CNTNAP5: variants seen among roughly 807,000 people sequenced by gnomAD.
The protein encoded by CNTNAP5 is contactin-associated protein-like 5.
A neutral mutation model predicts 150.2 loss-of-function variants in CNTNAP5; 72 were observed. The observed-to-expected ratio is 0.48, with a 90% CI of 0.40 to 0.58. The LOEUF (loss-of-function observed/expected upper bound fraction) is 0.58, where lower values mean the gene tolerates loss of function less well. Among genes scored for constraint, CNTNAP5 ranks in the 20% least tolerant of loss-of-function variants. The pLI is 0.00. For missense variants in CNTNAP5, 1,636 were observed against 1,626.2 expected (o/e 1.01, Z -0.10); for synonymous variants, 672 against 619.8 (o/e 1.08, Z -1.25).
chr2:124,626,550 G>A (rs139446516), intron 12 of CNTNAP5, among the ~76,000 whole-genome samples: 2 of 152,270 alleles, frequency 1.3e-5, no homozygotes, highest in South Asian at 2.1e-4. Flanking sequence ...CTTTTCCCAT[G>A]GATTTTTGCC....
chr2:124,240,967 A>G (rs187722707), intron 2 of CNTNAP5, among the ~76,000 whole-genome samples: 83 of 152,308 alleles, frequency 5.4e-4, no homozygotes, highest in Middle Eastern at 6.8e-3. Flanking sequence ...ATGATTTTCA[A>G]TGACATAGAT....
rs879096693 is a variant in CNTNAP5 at position 124,720,222 on chromosome 2, A to G, written c.2078-27007A>G. 9.2e-5 allele frequency among the ~76,000 whole-genome samples: 14 copies of G among 152,302 alleles called. No individual in the cohort carries two copies. The East Asian group carries it at 1.7e-3, about 19-fold the overall frequency. ...GGGCTTCAATTCCTTCATCTATAAGAAAGGGTTTTGTATAGCCTGTATTTT... is the reference window on the plus strand; with the variant it reads ...GGGCTTCAATTCCTTCATCTATAAGGAAGGGTTTTGTATAGCCTGTATTTT... On this transcript the variant is annotated intron_variant, in intron 13 of 23. Coordinates refer to ENST00000682447, the MANE Select transcript of CNTNAP5 (RefSeq NM_001367498.1).
chr2:124,277,964 C>G (rs113503139), intron 3 of CNTNAP5, among the ~76,000 whole-genome samples: 215 of 152,248 alleles, frequency 1.4e-3, no homozygotes, highest in African/African-American at 4.8e-3. Context: ...CCTGTTCTCC[C>G]AGCAGAGGAA....
chr2:124,357,863 TG>T (rs1316710960), intron 3 of CNTNAP5, among the ~76,000 whole-genome samples: 1 of 150,546 alleles, frequency 6.6e-6, no homozygotes, highest in Non-Finnish European at 1.5e-5. Flanking sequence ...GGTAGCTTGA[TG>T]GGGATGGCAT....
In CNTNAP5 at chr2:124,527,409, G is replaced by A; in HGVS notation, c.1602G>A (p.Leu534=). Residue 534 remains leucine (L), a synonymous_variant, in exon 10 of 24, where the codon CTG becomes CTA. Transcript: ENST00000682447. ...KDLISVQQGS[L]GNFSDLHIDL... ...TCATTTCAGTTCAGCAAGGTTCCCT[G>A]GGGAATTTTAGTGATTTACACATTG... The A allele has an allele frequency of 6.2e-7, 1 of 1,613,712 alleles. No homozygotes were observed. Among genetic ancestry groups the A allele is most frequent in the Non-Finnish European group, 8.5e-7 (1 of 1,179,696 alleles).
rs10531893 is a variant in CNTNAP5 at position 124,864,573 on chromosome 2, TCACACA to T, written c.3218-712_3218-707del. 5.4e-3 allele frequency among the ~76,000 whole-genome samples: 812 copies of T among 149,930 alleles called. 10 individuals carry two copies. Among genetic ancestry groups the T allele is most frequent in the African/African-American group, 0.019 (765 of 40,826 alleles). ...CTCTCTCTCTCTGTCTCTCTGTGTCTCACACACACACACACACACACACACAGAATT... is the reference window on the plus strand; with the variant it reads ...CTCTCTCTCTCTGTCTCTCTGTGTCTCACACACACACACACACACAGAATT... On this transcript the variant is annotated intron_variant, in intron 19 of 23. Transcript: ENST00000682447.
intron 8 of CNTNAP5, among the ~76,000 whole-genome samples, chr2:124,510,273 C>CTATATA (rs369953695): frequency 2.9e-5 from 1 of 33,918 alleles, no homozygotes; most frequent in Non-Finnish European, 6.3e-5. Flanking sequence ...ATCTATATAT[C>CTATATA]TATATCTATA....
rs1485283806 is a variant in CNTNAP5 at position 124,754,210 on chromosome 2, G to A, written c.2234+6825G>A. On this transcript the variant is annotated intron_variant, in intron 14 of 23. Transcript: ENST00000682447. ...AGAAGGGGCCCCAATCCTGAATTCT[G>A]AGAGAAATAACAATTCACCTCAGGG... Among the ~76,000 whole-genome samples, 4 of 152,110 alleles carry A rather than the reference G, an allele frequency of 2.6e-5. No homozygotes were observed. In the South Asian group the frequency reaches 6.2e-4, roughly 24 times the overall value.
intron 9 of CNTNAP5, 131 bp from the exon 10 acceptor site, chr2:124,527,154 A>G: frequency 1.5e-6 from 1 of 664,284 alleles, no homozygotes; most frequent in Non-Finnish European, 2.6e-6. Flanking sequence ...ATTTATAATG[A>G]AAAGGGTGTG....
intron 12 of CNTNAP5, among the ~76,000 whole-genome samples, chr2:124,620,374 C>T (rs1457914626): frequency 6.6e-6 from 1 of 152,108 alleles, no homozygotes; most frequent in Non-Finnish European, 1.5e-5. Context: ...CATTCCTACT[C>T]TTTGCAATGC....
intron 19 of CNTNAP5, among the ~76,000 whole-genome samples, chr2:124,818,349 C>T (rs993249701): frequency 3.3e-5 from 5 of 151,974 alleles, no homozygotes; most frequent in East Asian, 1.9e-4. Flanking sequence ...GAGAGACCCC[C>T]GCCTTTACAA....
rs59635013 is a variant in CNTNAP5 at position 124,592,430 on chromosome 2, T to C, written c.1757-17371T>C. On this transcript the variant is annotated intron_variant, in intron 11 of 23. Coordinates refer to ENST00000682447, the MANE Select transcript of CNTNAP5 (RefSeq NM_001367498.1). ...AAGGTTAAATGGACAAATATTTATA[T>C]ATAATTAGCAATGATCCAATATCTA... 2.0e-3 allele frequency among the ~76,000 whole-genome samples: 302 copies of C among 151,906 alleles called. 2 individuals are homozygous for C. The highest frequency in any genetic ancestry group is 6.5e-3 in the African/African-American group (268 of 41,458).
intron 19 of CNTNAP5, among the ~76,000 whole-genome samples, chr2:124,821,463 G>A (rs1311507604): frequency 6.6e-6 from 1 of 152,180 alleles, no homozygotes; most frequent in Admixed American, 6.5e-5. Context: ...GTCTGGCATA[G>A]GGCTTTTTAA....
At chr2:124,400,679 T>TG (rs1553464878) in intron 3 of CNTNAP5, among the ~76,000 whole-genome samples, 47 of 101,444 alleles carry the variant, frequency 4.6e-4, no homozygotes, top group Middle Eastern at 5.2e-3. Flanking sequence ...GTTTTTTTTT[T>TG]TTTTTTTTTG....
chr2:124,585,453 C>A (rs1002438271), intron 11 of CNTNAP5, among the ~76,000 whole-genome samples: 7 of 152,190 alleles, frequency 4.6e-5, no homozygotes, highest in Admixed American at 3.3e-4. Context: ...TGGATGGATC[C>A]AGGAACAGAG....
Position 124,520,714 on chromosome 2 carries a change from C to T in CNTNAP5, c.1328-3589C>T, listed in dbSNP as rs138458110. Among the ~76,000 whole-genome samples, 102 of 152,244 alleles carry T rather than the reference C, an allele frequency of 6.7e-4. 2 individuals carry two copies. The East Asian group carries it at 0.016, about 23-fold the overall frequency. On this transcript the variant is annotated intron_variant, in intron 8 of 23. Coordinates refer to ENST00000682447, the MANE Select transcript of CNTNAP5 (RefSeq NM_001367498.1). Reference sequence around the variant, plus strand: ...GCCCTCAATATCCTGCTCGTCTCTCCTAAGATAATTTTTTTCCCCCATCAA... The same window carrying T: ...GCCCTCAATATCCTGCTCGTCTCTCTTAAGATAATTTTTTTCCCCCATCAA...
At chr2:124,809,643 TG>T (rs1335184648) in intron 19 of CNTNAP5, among the ~76,000 whole-genome samples, 1 of 151,802 alleles carries the variant, frequency 6.6e-6, no homozygotes, top group Non-Finnish European at 1.5e-5. Flanking sequence ...TAGAGAAATT[TG>T]TTAAAAAATC....
chr2:124,253,541 T>TATAATTCATTGC (rs1390852573), intron 3 of CNTNAP5, among the ~76,000 whole-genome samples: 1 of 152,206 alleles, frequency 6.6e-6, no homozygotes, highest in Non-Finnish European at 1.5e-5. Context: ...TCGAGACAAT[T>TATAATTCATTGC]ATAATTCATT....
Position 124,918,710 on chromosome 2 carries a change from T to C in CNTNAP5, c.*4422T>C, listed in dbSNP as rs943091323. Among the ~76,000 whole-genome samples, 1 of 152,124 alleles carries C rather than the reference T, an allele frequency of 6.6e-6. No homozygotes were observed. The highest frequency in any genetic ancestry group is 2.4e-5 in the African/African-American group (1 of 41,452). ...CCAAAAGGCCTTTGGGATACCTGTA[T>C]GGTTCTGCCAGTCATTCTTCCTTAA... is the stretch of plus-strand genomic sequence containing the variant. On this transcript the variant is annotated 3_prime_UTR_variant, in exon 24 of 24. Transcript: ENST00000682447.
Sources: allele counts gnomAD v4.1 joint callset (sites outside exome capture counted in the v4.1 genomes callset), GRCh38; gene constraint gnomAD v4.1.1; transcripts MANE v1.5; gene names NCBI Gene and HGNC (gene_info 2026-07-23, HGNC 2026-07-21).